CPS1: variants seen among roughly 807,000 people sequenced by gnomAD.
CPS1 encodes the protein carbamoyl-phosphate synthase 1.
CPS1 carries 109 observed loss-of-function variants against 174.6 expected under a neutral mutation model. The ratio of observed to expected loss-of-function variants is 0.62; its 90% CI spans 0.53 to 0.73. CPS1 has a LOEUF of 0.73. Among genes scored for constraint, CPS1 ranks in the 30% least tolerant of loss-of-function variants. CPS1 has a pLI of 0.00. For synonymous variants in CPS1, 637 were observed against 632.0 expected, an observed-to-expected ratio of 1.01 and a Z score of -0.12; for missense variants, 1,689 against 1,821.9, an observed-to-expected ratio of 0.93 and a Z score of 1.33.
At chr2:210,654,366 T>C (rs1351130919) in intron 29 of CPS1, among the ~76,000 whole-genome samples, 1 of 152,198 alleles carries the variant, frequency 6.6e-6, no homozygotes, top group African/African-American at 2.4e-5. Context: ...TCCTTTTGAA[T>C]AGATTTTCTC....
intron 21 of CPS1, among the ~76,000 whole-genome samples, chr2:210,626,594 A>G (rs568271708): frequency 9.2e-5 from 14 of 152,296 alleles, no homozygotes; most frequent in Non-Finnish European, 2.1e-4. Context: ...TAATTGTTTT[A>G]TATTGTCAAA....
chr2:210,482,580 A>G (rs796256072), intron 1 of CPS1, among the ~76,000 whole-genome samples: 14 of 152,088 alleles, frequency 9.2e-5, no homozygotes, highest in African/African-American at 2.9e-4. Flanking sequence ...TACAGATGTG[A>G]GCCACTGCTC....
At chr2:210,642,247 G>A in intron 24 of CPS1, among the ~76,000 whole-genome samples, 1 of 152,132 alleles carries the variant, frequency 6.6e-6, no homozygotes, top group South Asian at 2.1e-4. Flanking sequence ...TTCTATTGCA[G>A]AATTTAGCAT....
At chr2:210,591,991 G>C (rs1216357283) in intron 10 of CPS1, 22 bp downstream of exon 10, 1 of 1,606,820 alleles carries the variant, frequency 6.2e-7, no homozygotes, top group Non-Finnish European at 8.5e-7. Context: ...CAATAAACCT[G>C]TTCAGTTGGT....
intron 7 of CPS1, among the ~76,000 whole-genome samples, chr2:210,589,871 A>G (rs1698228036): frequency 6.6e-6 from 1 of 151,492 alleles, no homozygotes; most frequent in Non-Finnish European, 1.5e-5. Flanking sequence ...GCTAGTCTTG[A>G]CTTCCTGGGC....
At chr2:210,555,709 C>G, upstream of CPS1, 1 of 455,356 alleles carries the variant, frequency 2.2e-6, no homozygotes, top group Non-Finnish European at 4.4e-6. Context: ...TCAAAGAACA[C>G]TGCTGCAGTA....
At chr2:210,520,095 G>A (rs957277355) in intron 1 of CPS1, among the ~76,000 whole-genome samples, 1 of 151,966 alleles carries the variant, frequency 6.6e-6, no homozygotes, top group Admixed American at 6.6e-5. Context: ...AGATGGTGAT[G>A]TATGCCTCGG....
chr2:210,544,359 C>T (rs1304912844), intron 1 of CPS1, among the ~76,000 whole-genome samples: 1 of 152,060 alleles, frequency 6.6e-6, no homozygotes, highest in Non-Finnish European at 1.5e-5. Flanking sequence ...ATTAATCCTA[C>T]TCAATTTTCT....
chr2:210,540,601 G>A lies in CPS1; in HGVS notation c.4-16118G>A, dbSNP rs145630581. ...TCTTTACTAACACCAGATATTTTGC[G>A]TAACTTATTCTGTTTAAATTCTATC... On this transcript the variant is annotated intron_variant, in intron 1 of 38. Coordinates refer to the CPS1 transcript ENST00000430249. Among the ~76,000 whole-genome samples, 422 of 152,182 alleles carry A rather than the reference G, an allele frequency of 2.8e-3. 5 individuals are homozygous for A. Among genetic ancestry groups the A allele is most frequent in the African/African-American group, 9.7e-3 (401 of 41,518 alleles).
At chr2:210,486,265 G>A (rs1694722960) in intron 1 of CPS1, among the ~76,000 whole-genome samples, 1 of 151,404 alleles carries the variant, frequency 6.6e-6, no homozygotes, top group South Asian at 2.1e-4. Flanking sequence ...ATTCATAATA[G>A]CTTTGAGAGA....
At chr2:210,546,025 G>C (rs1019162230) in intron 1 of CPS1, among the ~76,000 whole-genome samples, 1 of 151,934 alleles carries the variant, frequency 6.6e-6, no homozygotes, top group African/African-American at 2.4e-5. Context: ...TAGATTTTTA[G>C]TTCTTTTTGT....
At chr2:210,482,736 C>T (rs953364408) in intron 1 of CPS1, among the ~76,000 whole-genome samples, 1 of 152,044 alleles carries the variant, frequency 6.6e-6, no homozygotes, top group African/African-American at 2.4e-5. Context: ...TAAAGGTTAA[C>T]AGACTGAAAT....
chr2:210,564,480 A>G (rs1042914079), intron 1 of CPS1, among the ~76,000 whole-genome samples: 3 of 151,748 alleles, frequency 2.0e-5, no homozygotes, highest in Admixed American at 2.0e-4. Context: ...GGTTCACGCC[A>G]TTCTCCTGCC....
chr2:210,660,506 G>A lies in CPS1; in HGVS notation c.3778G>A (p.Ala1260Thr), dbSNP rs774504369. ...TCAGGTGATTGAGTGTAACTTGAGA[G>A]CTTCTCGATCCTTCCCCTTTGTTTC... Reference protein sequence around the residue: ...DVLVIECNLRASRSFPFVSKT... With the variant: ...DVLVIECNLRTSRSFPFVSKT... The change falls in exon 32 of 38, where the codon GCT (alanine) becomes ACT (threonine). Residue 1260 changes from alanine (A) to threonine (T), a missense_variant. By Grantham distance (58) the Ala-to-Thr change is moderately conservative. Coordinates refer to ENST00000233072, the MANE Select transcript of CPS1 (RefSeq NM_001875.5). 6.2e-7 allele frequency: 1 copy of A among 1,614,102 alleles called. No homozygotes were observed. The highest frequency in any genetic ancestry group is 2.2e-5 in the East Asian group (1 of 44,868).
chr2:210,509,742 A>G (rs1695398571), intron 1 of CPS1, among the ~76,000 whole-genome samples: 1 of 152,232 alleles, frequency 6.6e-6, no homozygotes, highest in Admixed American at 6.5e-5. Context: ...TAGCAGACAA[A>G]CAGAGAGCCA....
chr2:210,590,670 T>C, intron 8 of CPS1, 130 bp from the exon 9 acceptor site: 1 of 699,528 alleles, frequency 1.4e-6, no homozygotes, highest in Non-Finnish European at 2.5e-6. Flanking sequence ...TCCTTTTTTA[T>C]ATTCTTCTTT....
chr2:210,616,274 C>A, intron 20 of CPS1, 149 bp from the exon 21 acceptor site: 1 of 683,378 alleles, frequency 1.5e-6, no homozygotes, highest in Non-Finnish European at 2.7e-6. Context: ...GAAGGAATGT[C>A]AGTGATGTCA....
At chr2:210,610,653 A>G (rs969964125) in intron 19 of CPS1, among the ~76,000 whole-genome samples, 1 of 151,840 alleles carries the variant, frequency 6.6e-6, no homozygotes, top group Non-Finnish European at 1.5e-5. Flanking sequence ...GTATAGGGCA[A>G]ATGTGGTGGG....
intron 1 of CPS1, among the ~76,000 whole-genome samples, chr2:210,511,929 C>T (rs1283222068): frequency 6.6e-6 from 1 of 152,092 alleles, no homozygotes; most frequent in African/African-American, 2.4e-5. Context: ...AAGAATTTCT[C>T]TTAAGTCTTA....
Sources: allele counts gnomAD v4.1 joint callset (sites outside exome capture counted in the v4.1 genomes callset), GRCh38; gene constraint gnomAD v4.1.1; transcripts MANE v1.5; gene names NCBI Gene and HGNC (gene_info 2026-07-23, HGNC 2026-07-21).